Variants in SEC23A observed in about 807,000 individuals in gnomAD.
The protein encoded by SEC23A is SEC23 homolog A, COPII component, also known as protein transport protein Sec23A.
Under a neutral mutation model 103.7 loss-of-function variants are expected in SEC23A, and 56 were observed. The ratio of observed to expected loss-of-function variants is 0.54; its 90% CI spans 0.44 to 0.67. The LOEUF is 0.67. Among genes scored for constraint, SEC23A ranks in the 30% least tolerant of loss-of-function variants. SEC23A has a pLI of 0.00. For missense variants in SEC23A, 784 were observed against 936.4 expected, an observed-to-expected ratio of 0.84 and a Z score of 2.12; for synonymous variants, 281 against 293.0, an observed-to-expected ratio of 0.96 and a Z score of 0.42.
At position 39,091,698 on chromosome 14, in the gene SEC23A, G is replaced by C; in HGVS notation, c.382C>G (p.Pro128Ala). Residue 128 changes from proline (P) to alanine (A), a missense_variant, in exon 5 of 20, where the codon CCT becomes GCT. Physicochemically the swap from Pro to Ala is conservative, Grantham distance 27 (BLOSUM62 -1). Around this residue, in one of 2 missense-constraint regions of SEC23A, gnomAD observed 683 missense variants for 774.2 expected, o/e 0.88. Coordinates refer to ENST00000307712, the MANE Select transcript of SEC23A (RefSeq NM_006364.4). ...TCAACCACATAGAGGAATATCAAAG[G>C]CATCTGAGGACCACGCTTTTAAAAA... is the stretch of plus-strand genomic sequence containing the variant. ...EYVVLRGPQM[P>A]LIFLYVVDTC... 1 of 1,613,170 alleles carries C rather than the reference G, an allele frequency of 6.2e-7. No homozygotes were observed. The highest frequency in any genetic ancestry group is 1.1e-5 in the South Asian group (1 of 91,066).
In SEC23A at chr14:39,067,238, T is replaced by C; in HGVS notation, c.1162A>G (p.Arg388Gly). 3.1e-6 allele frequency: 5 copies of C among 1,613,664 alleles called. No homozygotes were observed. The highest frequency in any genetic ancestry group is 4.2e-6 in the Non-Finnish European group (5 of 1,179,724). The change falls in exon 10 of 20, where the codon AGA becomes GGA. Residue 388 changes from arginine to glycine, a missense_variant. Arg to Gly is a moderately radical substitution (Grantham distance 125). Coordinates refer to ENST00000307712, the MANE Select transcript of SEC23A (RefSeq NM_006364.4). ...NTSLFKQTFQ[R>G]VFTKDMHGQF... ...CCATGCATGTCTTTGGTAAAGACTC[T>C]TTGAAAAGTTTGTTTGAATAAGGAA...
chr14:39,053,328 G>A (rs548397418), intron 14 of SEC23A, among the ~76,000 whole-genome samples: 1 of 152,268 alleles, frequency 6.6e-6, no homozygotes, highest in South Asian at 2.1e-4. Flanking sequence ...CTAAATAACA[G>A]TGAAATTCAA....
chr14:39,084,634 C>A (rs1043824583), intron 7 of SEC23A, among the ~76,000 whole-genome samples: 8 of 152,072 alleles, frequency 5.3e-5, no homozygotes, highest in Non-Finnish European at 7.4e-5. Flanking sequence ...CTCCTAAAAG[C>A]CTTGGATTCT....
Position 39,092,837 on chromosome 14 carries a change from GT to G in SEC23A, c.280-211del, listed in dbSNP as rs953430666. 1.4e-4 allele frequency: 76 copies of G among 531,636 alleles called. No homozygotes were observed. In the East Asian group the frequency reaches 1.9e-3, roughly 14 times the overall value. 32.9% of individuals were successfully genotyped at this position (531,636 alleles called of 1,614,324 possible). Reference sequence around the variant, plus strand: ...AACATCTGCAATGGATGTTTTATGGGTTTTTTTTCATTTGTTTGTTTGTTTG... The same window carrying G: ...AACATCTGCAATGGATGTTTTATGGGTTTTTTTCATTTGTTTGTTTGTTTG... On this transcript the variant is annotated intron_variant, in intron 3 of 19. Transcript: ENST00000307712.
At chr14:39,052,154 T>C (rs2139206678) in intron 14 of SEC23A, among the ~76,000 whole-genome samples, 1 of 151,696 alleles carries the variant, frequency 6.6e-6, no homozygotes, top group East Asian at 1.9e-4. Context: ...TGGGCACCTG[T>C]GGGGAGTGAG....
intron 1 of SEC23A, among the ~76,000 whole-genome samples, chr14:39,098,037 T>A (rs1201842992): frequency 6.6e-6 from 1 of 151,076 alleles, no homozygotes; most frequent in African/African-American, 2.4e-5. Context: ...TGTGGTGAGC[T>A]GAGATTGCAC....
intron 5 of SEC23A, among the ~76,000 whole-genome samples, chr14:39,089,486 AAG>A (rs1887584795): frequency 1.0e-5 from 1 of 96,174 alleles, no homozygotes; most frequent in African/African-American, 2.7e-5. Flanking sequence ...TGTGCTCCTG[AAG>A]GAATCCCTAC....
intron 14 of SEC23A, among the ~76,000 whole-genome samples, chr14:39,051,782 G>C (rs1470094477): frequency 6.6e-6 from 1 of 151,950 alleles, no homozygotes; most frequent in Admixed American, 6.6e-5. Flanking sequence ...GACCAACATG[G>C]TGAAATCCCG....
intron 19 of SEC23A, among the ~76,000 whole-genome samples, chr14:39,036,753 C>T (rs972626266): frequency 5.3e-5 from 8 of 152,184 alleles, no homozygotes; most frequent in African/African-American, 1.7e-4. Context: ...GTGCCCTTAC[C>T]GTAATAACAA....
At chr14:39,055,355 G>T in intron 13 of SEC23A, 59 bp from the exon 14 acceptor site, 1 of 1,529,556 alleles carries the variant, frequency 6.5e-7, no homozygotes, top group Non-Finnish European at 9.0e-7. Context: ...CAATATCATA[G>T]TTGGCTACCA....
At chr14:39,061,446 T>TTA (rs1208933567) in intron 13 of SEC23A, among the ~76,000 whole-genome samples, 1 of 151,958 alleles carries the variant, frequency 6.6e-6, no homozygotes, top group East Asian at 1.9e-4. Context: ...GCTATATCAT[T>TTA]TATATATATA....
At chr14:39,042,908 G>T in intron 16 of SEC23A, 36 bp from the exon 17 acceptor site, 1 of 1,354,824 alleles carries the variant, frequency 7.4e-7, no homozygotes, top group Non-Finnish European at 1.1e-6. Flanking sequence ...TGAGGAAAAA[G>T]GAAAAATAAT....
At chr14:39,033,592 G>A (rs542033214) in intron 19 of SEC23A, among the ~76,000 whole-genome samples, 2 of 152,260 alleles carry the variant, frequency 1.3e-5, no homozygotes, top group African/African-American at 4.8e-5. Flanking sequence ...TCAGGATGGC[G>A]GCTAGTCACC....
intron 7 of SEC23A, among the ~76,000 whole-genome samples, chr14:39,081,301 T>C (rs1887217860): frequency 6.6e-6 from 1 of 151,854 alleles, no homozygotes; most frequent in Admixed American, 6.6e-5. Context: ...ACCAAAGCTT[T>C]TTATATCCAA....
chr14:39,055,088 AT>A, intron 14 of SEC23A, 54 bp downstream of exon 14: 1 of 1,602,464 alleles, frequency 6.2e-7, no homozygotes, highest in Non-Finnish European at 8.5e-7. Context: ...TGCAACAAAC[AT>A]TTACTACAAA....
At chr14:39,088,400 C>T (rs923946231) in intron 5 of SEC23A, 1 of 151,808 alleles carries the variant, frequency 6.6e-6, no homozygotes, top group Non-Finnish European at 1.5e-5. Flanking sequence ...AGTTCAAGAC[C>T]AGCCTGGCCA....
Position 39,086,965 on chromosome 14 carries a change from C to A in SEC23A, c.647G>T (p.Arg216Leu). The A allele has an allele frequency of 6.3e-7, 1 of 1,598,146 alleles. No individual in the cohort carries two copies. The change falls in exon 6 of 20, where the codon CGT (arginine) becomes CTT (leucine). Residue 216 changes from arginine to leucine, a missense_variant. Physicochemically the swap from Arg to Leu is moderately radical, Grantham distance 102. Transcript: ENST00000307712. ...LSKVPLTQAT[R>L]GPQVQQPPPS... ...AGGTGGCTGCTGTACCTGAGGACCA[C>A]GTGTTGCTTGAGTAAGTGGTACTTT...
chr14:39,096,360 G>A (rs915562496), intron 1 of SEC23A, among the ~76,000 whole-genome samples: 6 of 151,860 alleles, frequency 4.0e-5, no homozygotes, highest in Non-Finnish European at 7.4e-5. Context: ...AAGAAACCCC[G>A]TCTCTACTAA....
At chr14:39,071,200 GATGGCATGATGTT>G (rs1284383943) in intron 9 of SEC23A, among the ~76,000 whole-genome samples, 2 of 152,200 alleles carry the variant, frequency 1.3e-5, no homozygotes, top group East Asian at 3.8e-4. Context: ...CCAATTTGCA[GATGGCATGATGTT>G]ATATAGGGAA....
Sources: gnomAD v4.1 joint callset for allele counts (sites outside exome capture counted in the v4.1 genomes callset) on GRCh38, gnomAD v4.1.1 for gene constraint, gnomAD v4.1.1 regional missense constraint, MANE v1.5 for transcripts, NCBI Gene and HGNC (gene_info 2026-07-23, HGNC 2026-07-21) for gene names.